The following ZFHX3 variants were observed in gnomAD, a reference collection of about 807,000 sequenced individuals.
ZFHX3 encodes zinc finger homeobox protein 3.
In ZFHX3, 42 loss-of-function variants were observed where a neutral mutation model predicts 279.1. The ratio of observed to expected loss-of-function variants is 0.15; its 90% CI spans 0.12 to 0.19. The LOEUF is 0.19. ZFHX3 is among the 10% of genes least tolerant of loss of function. ZFHX3 has a pLI of 1.00. For synonymous variants in ZFHX3, 2,293 were observed against 1,957.8 expected (o/e 1.17, Z -4.52); for missense variants, 4,981 against 4,754.0 (o/e 1.05, Z -1.40).
At chr16:73,187,881 C>T (rs1051627750) in intron 5 of ZFHX3, among the ~76,000 whole-genome samples, 2 of 152,072 alleles carry the variant, frequency 1.3e-5, no homozygotes, top group Non-Finnish European at 2.9e-5. Flanking sequence ...TTTTTTGAGA[C>T]GGAGTCTCGC....
At chr16:72,826,935 A>G (rs922818842) in intron 5 of ZFHX3, among the ~76,000 whole-genome samples, 6 of 152,176 alleles carry the variant, frequency 3.9e-5, no homozygotes, top group Non-Finnish European at 8.8e-5. Flanking sequence ...CACACTCCCA[A>G]TGAATCAGAA....
At chr16:73,081,946 C>T (rs982691061) in intron 8 of ZFHX3, among the ~76,000 whole-genome samples, 3 of 151,314 alleles carry the variant, frequency 2.0e-5, no homozygotes, top group Admixed American at 6.6e-5. Context: ...AAGGGATCCT[C>T]CTGCCTCAGC....
chr16:72,863,909 G>A (rs2037948111), intron 4 of ZFHX3, among the ~76,000 whole-genome samples: 1 of 152,164 alleles, frequency 6.6e-6, no homozygotes, highest in Non-Finnish European at 1.5e-5. Context: ...GAGGTCACGA[G>A]ATCGAGACCA....
At chr16:72,907,274 A>C (rs563681975) in intron 3 of ZFHX3, among the ~76,000 whole-genome samples, 1 of 152,280 alleles carries the variant, frequency 6.6e-6, no homozygotes, top group South Asian at 2.1e-4. Context: ...TTCTGGTAGC[A>C]CTGGTATTTT....
rs2035424648 is a variant in ZFHX3 at position 72,787,224 on chromosome 16, G to GTCTT, written c.11048_11051dup (p.Asp3684GlufsTer48). 1.2e-6 allele frequency: 2 copies of GTCTT among 1,614,018 alleles called. No individual in the cohort carries two copies. The highest frequency in any genetic ancestry group is 1.3e-5 in the African/African-American group (1 of 74,992). On this transcript the variant is annotated frameshift_variant, in exon 10 of 10. Transcript: ENST00000268489. LOFTEE classifies it high-confidence loss of function. ...GACCACTGTCCTTGGGGCAGCTGGG[G>GTCTT]TCTTTGGGACCCTCCACCGGGCTCG...
intron 8 of ZFHX3, among the ~76,000 whole-genome samples, chr16:73,090,978 G>A (rs1179016765): frequency 6.7e-6 from 1 of 149,832 alleles, no homozygotes; most frequent in African/African-American, 2.5e-5. Flanking sequence ...TTGGGAGGCT[G>A]TGGCTAGCGG....
At chr16:73,517,049 C>T (rs1334845989) in intron 2 of ZFHX3, among the ~76,000 whole-genome samples, 1 of 149,786 alleles carries the variant, frequency 6.7e-6, no homozygotes, top group Non-Finnish European at 1.5e-5. Flanking sequence ...CTAGCACCCT[C>T]GTTGAAGTCT....
intron 4 of ZFHX3, among the ~76,000 whole-genome samples, chr16:73,288,204 G>A (rs1387980388): frequency 2.0e-5 from 3 of 151,886 alleles, no homozygotes; most frequent in Non-Finnish European, 4.4e-5. Flanking sequence ...GGGGGACTTT[G>A]GGGGCTGGGG....
At chr16:73,215,865 G>C (rs1354387209) in intron 5 of ZFHX3, among the ~76,000 whole-genome samples, 1 of 152,114 alleles carries the variant, frequency 6.6e-6, no homozygotes, top group African/African-American at 2.4e-5. Context: ...AGAGGTGTGT[G>C]TGTGTGCATG....
Position 73,596,571 on chromosome 16 carries a change from C to T in ZFHX3, c.-1547+83609G>A, listed in dbSNP as rs570758582. On this transcript the variant is annotated intron_variant, in intron 2 of 17. Coordinates refer to the ZFHX3 transcript ENST00000641206. ...AGCTTATGAACCTCCAAACATGTTG[C>T]CCAGGGCAACATTAGTGCCCTCTTC... Among the ~76,000 whole-genome samples the T allele has an allele frequency of 3.3e-5, 5 of 152,268 alleles. No homozygotes were observed. The South Asian group carries it at 1.0e-3, about 32-fold the overall frequency.
intron 1 of ZFHX3, among the ~76,000 whole-genome samples, chr16:73,806,142 G>C (rs1159174972): frequency 6.6e-6 from 1 of 152,312 alleles, no homozygotes; most frequent in Non-Finnish European, 1.5e-5. Context: ...ACTATCACAA[G>C]GACAGCAGGG....
rs535825793 is a variant in ZFHX3, at chr16:73,275,662, G to A, written c.-1193-18526C>T. Among the ~76,000 whole-genome samples, 9 of 152,182 alleles carry A rather than the reference G, an allele frequency of 5.9e-5. No homozygotes were observed. In the South Asian group the frequency reaches 1.5e-3, roughly 25 times the overall value. ...TAGAAAGGTTAATGTTTATACTGTCGTCTATTGAGTGTGCCATAGCATTAT... is the reference window on the plus strand; with the variant it reads ...TAGAAAGGTTAATGTTTATACTGTCATCTATTGAGTGTGCCATAGCATTAT... On this transcript the variant is annotated intron_variant, in intron 4 of 17. Coordinates refer to the ZFHX3 transcript ENST00000641206.
At chr16:73,564,735 T>G (rs1405007424) in intron 2 of ZFHX3, among the ~76,000 whole-genome samples, 1 of 152,112 alleles carries the variant, frequency 6.6e-6, no homozygotes, top group Non-Finnish European at 1.5e-5. Flanking sequence ...ACTTCAAAAT[T>G]GTACCACTGA....
intron 4 of ZFHX3, among the ~76,000 whole-genome samples, chr16:73,305,963 T>A (rs1044714850): frequency 1.3e-5 from 2 of 152,156 alleles, no homozygotes; most frequent in African/African-American, 2.4e-5. Flanking sequence ...TTGCCAACTG[T>A]GAAACAGACA....
chr16:72,866,302 C>T (rs2038022178), intron 4 of ZFHX3, among the ~76,000 whole-genome samples: 1 of 152,178 alleles, frequency 6.6e-6, no homozygotes, highest in African/African-American at 2.4e-5. Context: ...TGTACATTCC[C>T]TCACTTAACT....
At chr16:73,539,462 T>TA (rs397855376) in intron 2 of ZFHX3, among the ~76,000 whole-genome samples, 5 of 135,548 alleles carry the variant, frequency 3.7e-5, no homozygotes, top group African/African-American at 9.3e-5. Flanking sequence ...TTTTTTTTTT[T>TA]ATAAGGCCTC....
intron 5 of ZFHX3, among the ~76,000 whole-genome samples, 177 bp from the exon 6 acceptor site, chr16:72,812,215 T>C (rs1400114912): frequency 6.6e-6 from 1 of 152,190 alleles, no homozygotes; most frequent in Non-Finnish European, 1.5e-5. Flanking sequence ...GAAGCAAGTG[T>C]TTCTTTCTCC....
chr16:72,916,929 C>T (rs1223470488), intron 3 of ZFHX3, among the ~76,000 whole-genome samples: 3 of 152,072 alleles, frequency 2.0e-5, no homozygotes, highest in Non-Finnish European at 4.4e-5. Flanking sequence ...AGGGGAAAGA[C>T]AGTTCTAAGC....
chr16:73,524,513 C>G (rs2019659048), intron 2 of ZFHX3, among the ~76,000 whole-genome samples: 1 of 152,186 alleles, frequency 6.6e-6, no homozygotes, highest in African/African-American at 2.4e-5. Context: ...TCCCAAAGAG[C>G]TGTGAAAACA....
Sources: allele counts gnomAD v4.1 joint callset (sites outside exome capture counted in the v4.1 genomes callset), GRCh38; gene constraint gnomAD v4.1.1; transcripts MANE v1.5; gene names NCBI Gene and HGNC (gene_info 2026-07-23, HGNC 2026-07-21).